OTUD7A: variants seen among roughly 807,000 people sequenced by gnomAD.
OTUD7A encodes OTU deubiquitinase 7A.
OTUD7A carries 12 observed loss-of-function variants against 65.7 expected under a neutral mutation model. The ratio of observed to expected loss-of-function variants is 0.18; its 90% confidence interval spans 0.12 to 0.30. The LOEUF (loss-of-function observed/expected upper bound fraction) is 0.30, where lower values mean the gene tolerates loss of function less well. Among genes scored for constraint, OTUD7A ranks in the 10% least tolerant of loss-of-function variants. OTUD7A has a pLI of 1.00. For missense variants in OTUD7A, 1,148 were observed against 1,304.8 expected, an observed-to-expected ratio of 0.88 and a Z score of 1.85; for synonymous variants, 641 against 586.3, an observed-to-expected ratio of 1.09 and a Z score of -1.35.
At chr15:31,731,274 G>GTT (rs1894035049) in intron 1 of OTUD7A, among the ~76,000 whole-genome samples, 2 of 152,170 alleles carry the variant, frequency 1.3e-5, no homozygotes, top group Non-Finnish European at 2.9e-5. Context: ...GAACGCAGAT[G>GTT]TTTACAGCAG....
chr15:31,637,958 C>CA (rs1460168530), intron 3 of OTUD7A, among the ~76,000 whole-genome samples: 1 of 152,100 alleles, frequency 6.6e-6, no homozygotes, highest in African/African-American at 2.4e-5. Flanking sequence ...GCTGAAATGA[C>CA]AAAAAGGATT....
At chr15:31,586,725 A>G (rs939037373) in intron 3 of OTUD7A, among the ~76,000 whole-genome samples, 13 of 152,132 alleles carry the variant, frequency 8.5e-5, no homozygotes, top group African/African-American at 3.1e-4. Flanking sequence ...CCATGTCCCT[A>G]GCACTGATGG....
intron 3 of OTUD7A, among the ~76,000 whole-genome samples, chr15:31,616,132 C>G (rs1334678763): frequency 6.6e-6 from 1 of 152,250 alleles, no homozygotes; most frequent in Non-Finnish European, 1.5e-5. Flanking sequence ...GGGTCTTGCA[C>G]AACTCATGCA....
chr15:31,813,677 G>C (rs1896478893), intron 1 of OTUD7A, among the ~76,000 whole-genome samples: 2 of 152,214 alleles, frequency 1.3e-5, no homozygotes, highest in African/African-American at 4.8e-5. Flanking sequence ...TAACATTCAA[G>C]CTTATTGAGT....
chr15:31,540,636 A>G (rs1260831393), intron 5 of OTUD7A, among the ~76,000 whole-genome samples: 1 of 152,226 alleles, frequency 6.6e-6, no homozygotes, highest in African/African-American at 2.4e-5. Flanking sequence ...TTGGGAAAGT[A>G]CTTAAGATAG....
At chr15:31,529,880 G>C (rs1018125950) in intron 6 of OTUD7A, among the ~76,000 whole-genome samples, 3 of 152,168 alleles carry the variant, frequency 2.0e-5, no homozygotes, top group African/African-American at 7.2e-5. Context: ...TTGGAGAGGC[G>C]CTATCCTCCA....
chr15:31,625,962 C>T (rs1463067842), intron 3 of OTUD7A, among the ~76,000 whole-genome samples: 2 of 145,314 alleles, frequency 1.4e-5, no homozygotes, highest in Non-Finnish European at 3.0e-5. Context: ...GGTTATGGAA[C>T]AAGCAAAATC....
chr15:31,860,697 A>ATATATATATG (rs1417556267), intron 1 of OTUD7A, among the ~76,000 whole-genome samples: 1 of 129,760 alleles, frequency 7.7e-6, no homozygotes, highest in East Asian at 2.3e-4. Flanking sequence ...ATATATATAT[A>ATATATATATG]TATGTATGTA....
intron 1 of OTUD7A, among the ~76,000 whole-genome samples, chr15:31,690,829 T>C (rs2654102): frequency 6.6e-6 from 1 of 152,182 alleles, no homozygotes. Context: ...ATAAAACTCA[T>C]ACAGGAAAAT....
intron 3 of OTUD7A, among the ~76,000 whole-genome samples, chr15:31,625,213 T>A (rs1275541021): frequency 1.3e-5 from 2 of 152,014 alleles, no homozygotes; most frequent in Admixed American, 1.3e-4. Flanking sequence ...TGGAAGAAGG[T>A]CCTGCAGCCC....
chr15:31,655,309 C>T, intron 2 of OTUD7A, 59 bp from the exon 3 acceptor site: 1 of 727,334 alleles, frequency 1.4e-6, no homozygotes. Context: ...CTGCAAGTGA[C>T]AACTACATGC....
rs149845374 is a variant in OTUD7A, at chr15:31,732,831, T to G, written c.-99-75754A>C. 3.9e-4 allele frequency among the ~76,000 whole-genome samples: 60 copies of G among 152,348 alleles called. No homozygotes were observed. In the East Asian group the frequency reaches 0.011, roughly 29 times the overall value. On this transcript the variant is annotated intron_variant, in intron 1 of 12. Coordinates refer to ENST00000307050, the MANE Select transcript of OTUD7A (RefSeq NM_001382637.1). ...GGGCTTCTTCACACAGAATACTTGC[T>G]TACTTGTTTGGTTTCTGTGTTACTC...
intron 3 of OTUD7A, among the ~76,000 whole-genome samples, chr15:31,641,822 T>A (rs1386198044): frequency 6.6e-6 from 1 of 152,232 alleles, no homozygotes; most frequent in Non-Finnish European, 1.5e-5. Context: ...TTAAATTCCA[T>A]TAGATATTCT....
chr15:31,496,228 T>A (rs2041382380), intron 10 of OTUD7A, among the ~76,000 whole-genome samples: 1 of 151,674 alleles, frequency 6.6e-6, no homozygotes, highest in Non-Finnish European at 1.5e-5. Flanking sequence ...ATAAATGATT[T>A]TTTTTTTTTT....
intron 1 of OTUD7A, among the ~76,000 whole-genome samples, chr15:31,778,762 G>T (rs994039051): frequency 1.3e-5 from 2 of 151,754 alleles, no homozygotes; most frequent in East Asian, 3.9e-4. Context: ...ACACAGACAC[G>T]CACATACACA....
chr15:31,511,000 A>G (rs535804866), intron 8 of OTUD7A, among the ~76,000 whole-genome samples: 1 of 81,508 alleles, frequency 1.2e-5, no homozygotes, highest in Non-Finnish European at 2.1e-5. Flanking sequence ...TAACATATGT[A>G]TATCTATATG....
intron 4 of OTUD7A, among the ~76,000 whole-genome samples, chr15:31,559,614 C>T (rs1888621414): frequency 6.6e-6 from 1 of 152,150 alleles, no homozygotes; most frequent in Non-Finnish European, 1.5e-5. Flanking sequence ...GCACACACTA[C>T]ATAGCATACA....
intron 1 of OTUD7A, among the ~76,000 whole-genome samples, chr15:31,792,039 C>T (rs2140938199): frequency 6.6e-6 from 1 of 152,246 alleles, no homozygotes; most frequent in South Asian, 2.1e-4. Flanking sequence ...CCTACCACCA[C>T]TCCCTCTCCC....
Position 31,765,992 on chromosome 15 carries a change from A to G in OTUD7A, c.-100+104515T>C, listed in dbSNP as rs925457390. The stretch of plus-strand genomic sequence containing the variant: ...GAGAGGTAGAAATTTTTTGCTCATC[A>G]AACTCCTGAGCACTAATCTGCTTAC... On this transcript the variant is annotated intron_variant, in intron 1 of 12. Coordinates refer to ENST00000307050, the MANE Select transcript of OTUD7A (RefSeq NM_001382637.1). 5 of 1,538,158 alleles carry G rather than the reference A, an allele frequency of 3.3e-6. No homozygotes were observed. The African/African-American group carries it at 5.5e-5, about 17-fold the overall frequency.
Sources: allele counts gnomAD v4.1 joint callset (sites outside exome capture counted in the v4.1 genomes callset), GRCh38; gene constraint gnomAD v4.1.1; transcripts MANE v1.5; gene names NCBI Gene and HGNC (gene_info 2026-07-23, HGNC 2026-07-21).